SNTB2: variants seen among roughly 807,000 people sequenced by gnomAD.
SNTB2 encodes the protein beta-2-syntrophin.
In SNTB2, 34 loss-of-function variants were observed where a neutral mutation model predicts 46.2. The ratio of observed to expected loss-of-function variants is 0.74; its 90% confidence interval spans 0.56 to 0.98. SNTB2 has a LOEUF of 0.98. Among genes scored for constraint, SNTB2 ranks in the 50% least tolerant of loss-of-function variants. SNTB2 has a pLI of 0.00. For synonymous variants in SNTB2, 290 were observed against 312.6 expected, an observed-to-expected ratio of 0.93 and a Z score of 0.76; for missense variants, 603 against 731.4, an observed-to-expected ratio of 0.82 and a Z score of 2.02.
intron 1 of SNTB2, among the ~76,000 whole-genome samples, chr16:69,198,179 GCTCACTGCAAC>G (rs1964123579): frequency 6.7e-6 from 1 of 148,782 alleles, no homozygotes; most frequent in East Asian, 2.1e-4. Flanking sequence ...GGCAATCTCA[GCTCACTGCAAC>G]CTCCACCTCG....
chr16:69,247,698 T>C (rs908939268), intron 2 of SNTB2, among the ~76,000 whole-genome samples: 1 of 152,212 alleles, frequency 6.6e-6, no homozygotes, highest in African/African-American at 2.4e-5. Context: ...TACACCACCA[T>C]GTCATCATCT....
intron 4 of SNTB2, among the ~76,000 whole-genome samples, chr16:69,274,857 T>C (rs1463532546): frequency 8.5e-5 from 13 of 152,050 alleles, no homozygotes; most frequent in African/African-American, 2.9e-4. Context: ...TTACAGATAG[T>C]CAAAGTTTCG....
At chr16:69,299,567 T>C in intron 5 of SNTB2, 23 bp from the exon 6 acceptor site, 4 of 1,606,990 alleles carry the variant, frequency 2.5e-6, no homozygotes, top group Non-Finnish European at 2.6e-6. Flanking sequence ...TTACAACTAA[T>C]GTTTTTTGCT....
rs1262284318 is a variant in SNTB2, at chr16:69,300,816, T to C, written c.1531-16T>C. The C allele has an allele frequency of 6.4e-7, 1 of 1,555,880 alleles. No individual in the cohort carries two copies. Among genetic ancestry groups the C allele is most frequent in the South Asian group, 1.1e-5 (1 of 89,820 alleles). ...ATGGTAGTGAGGTAGTGATGCTTAG[T>C]GTCCTTTCTCCACAGACCATGGACC... On this transcript the variant is annotated splice_polypyrimidine_tract_variant and intron_variant, in intron 6 of 6. Coordinates refer to ENST00000336278, the MANE Select transcript of SNTB2 (RefSeq NM_006750.4).
chr16:69,283,865 G>A (rs1965073757), intron 4 of SNTB2, among the ~76,000 whole-genome samples, 183 bp from the exon 5 acceptor site: 2 of 152,064 alleles, frequency 1.3e-5, no homozygotes, highest in Admixed American at 1.3e-4. Flanking sequence ...TGTGATACCA[G>A]GGGTCATTTT....
At chr16:69,298,967 A>C (rs113865864) in intron 5 of SNTB2, among the ~76,000 whole-genome samples, 4,811 of 152,224 alleles carry the variant, frequency 0.032, 274 homozygotes, top group African/African-American at 0.11. Context: ...TATGCCAATG[A>C]GTTTACAAAG....
At chr16:69,230,661 G>A (rs1358123915) in intron 1 of SNTB2, among the ~76,000 whole-genome samples, 1 of 147,118 alleles carries the variant, frequency 6.8e-6, no homozygotes, top group Non-Finnish European at 1.5e-5. Flanking sequence ...GCGCCTGGCC[G>A]GGTTCATTTT....
intron 5 of SNTB2, among the ~76,000 whole-genome samples, chr16:69,298,991 G>A (rs1374615690): frequency 6.6e-6 from 1 of 152,098 alleles, no homozygotes; most frequent in Non-Finnish European, 1.5e-5. Flanking sequence ...TTGAGAGCAG[G>A]GACTGTGCCT....
chr16:69,260,175 T>C lies in SNTB2; in HGVS notation c.920T>C (p.Leu307Ser), dbSNP rs1964822282. 6.2e-7 allele frequency: 1 copy of C among 1,614,042 alleles called. No individual in the cohort carries two copies. The highest frequency in any genetic ancestry group is 8.5e-7 in the Non-Finnish European group (1 of 1,180,038). Residue 307 changes from leucine to serine, a missense_variant, in exon 3 of 7, where the codon TTG becomes TCG. By Grantham distance (145) the Leu-to-Ser change is moderately radical (BLOSUM62 -2). This residue lies in a region of SNTB2 where 537 missense variants were observed against 692.4 expected (regional missense o/e 0.78). Coordinates refer to ENST00000336278, the MANE Select transcript of SNTB2 (RefSeq NM_006750.4). ...TNIMALLPQV[L>S]AELNAMLGAT... ...ATAATGGCTCTCCTCCCACAGGTGT[T>C]GGCTGAACTCAACGCCATGCTTGGG...
Position 69,299,649 on chromosome 16 carries a change from A to G in SNTB2, c.1405A>G (p.Ile469Val), listed in dbSNP as rs1308447832. 1 of 1,614,218 alleles carries G rather than the reference A, an allele frequency of 6.2e-7. No individual in the cohort carries two copies. Among genetic ancestry groups the G allele is most frequent in the Non-Finnish European group, 8.5e-7 (1 of 1,180,030 alleles). The change falls in exon 6 of 7, where the codon ATC becomes GTC. Residue 469 changes from isoleucine to valine, a missense_variant. By Grantham distance (29) the Ile-to-Val change is conservative (BLOSUM62 3). This residue lies in a region of SNTB2 where 537 missense variants were observed against 692.4 expected (regional missense o/e 0.78). Coordinates refer to ENST00000336278, the MANE Select transcript of SNTB2 (RefSeq NM_006750.4). ...TATTCACTATGAAAATGGGTTCACCATCTCAAGGGAAAATGGAGGCTCCAG... is the reference window on the plus strand; with the variant it reads ...TATTCACTATGAAAATGGGTTCACCGTCTCAAGGGAAAATGGAGGCTCCAG... ...LTIHYENGFT[I>V]SRENGGSSSI...
At chr16:69,289,799 G>A (rs1220017092) in intron 5 of SNTB2, among the ~76,000 whole-genome samples, 2 of 152,100 alleles carry the variant, frequency 1.3e-5, no homozygotes, top group African/African-American at 4.8e-5. Flanking sequence ...GTGTGTGCCT[G>A]TAGTCCCAGT....
At chr16:69,296,715 GTC>G (rs1163667025) in intron 5 of SNTB2, among the ~76,000 whole-genome samples, 1 of 141,964 alleles carries the variant, frequency 7.0e-6, no homozygotes. Flanking sequence ...GAGAGACTCT[GTC>G]TCAAAAAAAA....
chr16:69,241,767 A>G (rs1416705756), intron 1 of SNTB2: 1 of 151,740 alleles, frequency 6.6e-6, no homozygotes, highest in Non-Finnish European at 1.5e-5. Context: ...TGTCTCTACT[A>G]AAAGTACAAA....
chr16:69,296,322 A>G (rs1965223489), intron 5 of SNTB2, among the ~76,000 whole-genome samples: 1 of 152,154 alleles, frequency 6.6e-6, no homozygotes, highest in African/African-American at 2.4e-5. Context: ...CTCAATATCT[A>G]GACCTAAATA....
chr16:69,194,185 G>A (rs1180231644), intron 1 of SNTB2, among the ~76,000 whole-genome samples: 2 of 152,326 alleles, frequency 1.3e-5, no homozygotes, highest in African/African-American at 4.8e-5. Context: ...TGCTTAATTA[G>A]TGATATCTGC....
chr16:69,218,159 G>A (rs1028546260), intron 1 of SNTB2, among the ~76,000 whole-genome samples: 2 of 152,142 alleles, frequency 1.3e-5, no homozygotes, highest in Admixed American at 6.6e-5. Flanking sequence ...AGGAGAGAGA[G>A]GAGGATTTAG....
chr16:69,297,320 A>G (rs1965236148), intron 5 of SNTB2, among the ~76,000 whole-genome samples: 1 of 149,204 alleles, frequency 6.7e-6, no homozygotes, highest in Admixed American at 6.7e-5. Context: ...AAAAAAAAAA[A>G]AAAAAAAAAA....
chr16:69,272,888 T>TC (rs1964951777), intron 4 of SNTB2, among the ~76,000 whole-genome samples: 2 of 58,944 alleles, frequency 3.4e-5, no homozygotes, highest in African/African-American at 1.9e-4. Flanking sequence ...AGACTCTGTC[T>TC]CAAAAAAAAA....
intron 3 of SNTB2, among the ~76,000 whole-genome samples, chr16:69,265,229 A>G (rs1964873137): frequency 6.6e-6 from 1 of 152,202 alleles, no homozygotes; most frequent in Non-Finnish European, 1.5e-5. Context: ...AGCCTGGGCA[A>G]CAAAGCGAGA....
Sources: allele counts gnomAD v4.1 joint callset (sites outside exome capture counted in the v4.1 genomes callset), GRCh38; gene constraint gnomAD v4.1.1; regional missense constraint gnomAD v4.1.1; transcripts MANE v1.5; gene names NCBI Gene and HGNC (gene_info 2026-07-23, HGNC 2026-07-21).